The following CACNB2 variants were observed in gnomAD, a reference collection of about 807,000 sequenced individuals.
CACNB2 encodes voltage-dependent L-type calcium channel subunit beta-2.
CACNB2 carries 42 observed loss-of-function variants against 73.3 expected under a neutral mutation model. The observed-to-expected ratio is 0.57, with a 90% CI of 0.45 to 0.74. The LOEUF (loss-of-function observed/expected upper bound fraction) is 0.74, where lower values mean the gene tolerates loss of function less well. CACNB2 is among the 30% of genes least tolerant of loss of function. CACNB2 has a pLI of 0.00. For synonymous variants in CACNB2, 348 were observed against 310.3 expected, an observed-to-expected ratio of 1.12 and a Z score of -1.28; for missense variants, 940 against 853.0, an observed-to-expected ratio of 1.10 and a Z score of -1.27.
chr10:18,334,051 A>G (rs975618084), intron 2 of CACNB2, among the ~76,000 whole-genome samples: 3 of 152,242 alleles, frequency 2.0e-5, no homozygotes, highest in Non-Finnish European at 4.4e-5. Flanking sequence ...GATAATAGCA[A>G]TGCAGACTAC....
At chr10:18,442,937 T>G (rs1236343834) in intron 3 of CACNB2, among the ~76,000 whole-genome samples, 1 of 27,102 alleles carries the variant, frequency 3.7e-5, no homozygotes, top group Admixed American at 3.4e-4. Flanking sequence ...TATATATATA[T>G]ATATGTGTAT....
At chr10:18,142,267 C>T (rs1384253752) in intron 1 of CACNB2, among the ~76,000 whole-genome samples, 1 of 152,212 alleles carries the variant, frequency 6.6e-6, no homozygotes, top group Non-Finnish European at 1.5e-5. Flanking sequence ...CTTGTGTAAT[C>T]AGAAATCTAT....
intron 6 of CACNB2, chr10:18,513,660 T>C: frequency 4.1e-6 from 1 of 243,114 alleles, no homozygotes; most frequent in South Asian, 5.3e-5. Flanking sequence ...ATTTCCATAG[T>C]CTAAAATAAA....
chr10:18,449,100 C>T (rs371185266), intron 3 of CACNB2, among the ~76,000 whole-genome samples: 96 of 152,216 alleles, frequency 6.3e-4, no homozygotes, highest in Middle Eastern at 6.8e-3. Context: ...AAAACGAGAA[C>T]GTGCCCAGGT....
chr10:18,520,182 A>G (rs1012699744), intron 9 of CACNB2: 2 of 160,258 alleles, frequency 1.2e-5, no homozygotes, highest in Non-Finnish European at 2.7e-5. Flanking sequence ...CATTATCACT[A>G]CTAAGATGTC....
At chr10:18,234,648 T>C (rs2036359688) in intron 2 of CACNB2, among the ~76,000 whole-genome samples, 1 of 152,130 alleles carries the variant, frequency 6.6e-6, no homozygotes, top group African/African-American at 2.4e-5. Flanking sequence ...TCCATTTACT[T>C]GAGGTACGTA....
At chr10:18,273,363 GAAAAC>G (rs1021044625) in intron 2 of CACNB2, among the ~76,000 whole-genome samples, 1 of 148,304 alleles carries the variant, frequency 6.7e-6, no homozygotes, top group African/African-American at 2.5e-5. Context: ...CTGTTTTCCA[GAAAAC>G]AAAACAAAAC....
chr10:18,382,382 T>G (rs2043056664), intron 2 of CACNB2, among the ~76,000 whole-genome samples: 1 of 150,806 alleles, frequency 6.6e-6, no homozygotes, highest in Non-Finnish European at 1.5e-5. Flanking sequence ...TTTTAAAATT[T>G]TTTATTTTCA....
At chr10:18,346,431 C>A (rs1239495325) in intron 2 of CACNB2, among the ~76,000 whole-genome samples, 3 of 152,222 alleles carry the variant, frequency 2.0e-5, no homozygotes, top group Non-Finnish European at 4.4e-5. Flanking sequence ...AGCCACTGCA[C>A]CCGGCCAGAA....
At chr10:18,281,979 C>CAAAAAAAA (rs10542258) in intron 2 of CACNB2, among the ~76,000 whole-genome samples, 1 of 69,990 alleles carries the variant, frequency 1.4e-5, no homozygotes, top group Non-Finnish European at 2.6e-5. Context: ...GACTCCATCT[C>CAAAAAAAA]AAAAAAAAAA....
At chr10:18,148,403 A>G (rs368839133) in intron 1 of CACNB2, among the ~76,000 whole-genome samples, 13 of 152,208 alleles carry the variant, frequency 8.5e-5, no homozygotes, top group African/African-American at 3.1e-4. Flanking sequence ...CATTACATAT[A>G]CTTTGCATAG....
chr10:18,422,898 A>T (rs994576596), intron 3 of CACNB2, among the ~76,000 whole-genome samples: 1 of 152,136 alleles, frequency 6.6e-6, no homozygotes, highest in Non-Finnish European at 1.5e-5. Context: ...GGGTTTCACT[A>T]TGTTGGTCAA....
intron 2 of CACNB2, among the ~76,000 whole-genome samples, chr10:18,224,627 G>A (rs2035918745): frequency 6.6e-6 from 1 of 152,124 alleles, no homozygotes; most frequent in East Asian, 1.9e-4. Flanking sequence ...ATGAGAACCT[G>A]GGCCCCCTAG....
At chr10:18,402,637 C>A (rs2044067060) in intron 3 of CACNB2, among the ~76,000 whole-genome samples, 1 of 152,192 alleles carries the variant, frequency 6.6e-6, no homozygotes, top group African/African-American at 2.4e-5. Context: ...GACTGCAAAG[C>A]AGCTATGAAA....
In CACNB2 at chr10:18,498,062, G is replaced by A. The variant is rs546219986; in HGVS notation, c.334-293G>A. On this transcript the variant is annotated intron_variant, in intron 3 of 13. Coordinates refer to ENST00000324631, the MANE Select transcript of CACNB2 (RefSeq NM_201596.3). ...TTCCTGATTTACAGTTGCTACAAGC[G>A]CCAATGTTGAAAACACATATTTCCG... is the stretch of plus-strand genomic sequence containing the variant. Among the ~76,000 whole-genome samples the A allele has an allele frequency of 1.8e-4, 27 of 151,782 alleles. No individual in the cohort carries two copies. The East Asian group carries it at 1.9e-3, about 11-fold the overall frequency.
At chr10:18,193,557 G>A (rs760596850) in intron 2 of CACNB2, among the ~76,000 whole-genome samples, 7 of 152,128 alleles carry the variant, frequency 4.6e-5, no homozygotes, top group Non-Finnish European at 4.4e-5. Flanking sequence ...CTGCAGGGCA[G>A]TACTCCCTTC....
chr10:18,513,500 C>T (rs2050974713), intron 6 of CACNB2: 1 of 313,482 alleles, frequency 3.2e-6, no homozygotes, highest in East Asian at 9.8e-5. Context: ...GTCTCCTTTG[C>T]AAAGCTTCGT....
chr10:18,413,687 G>C (rs2044766051), intron 3 of CACNB2, among the ~76,000 whole-genome samples: 1 of 152,210 alleles, frequency 6.6e-6, no homozygotes, highest in Non-Finnish European at 1.5e-5. Context: ...TCAGAAACCT[G>C]GATTTGGATT....
chr10:18,476,311 T>C (rs1274745792), intron 3 of CACNB2, among the ~76,000 whole-genome samples: 1 of 152,104 alleles, frequency 6.6e-6, no homozygotes, highest in Non-Finnish European at 1.5e-5. Context: ...AACAAAGAAT[T>C]GGACAAAACC....
Sources: gnomAD v4.1 joint callset for allele counts (sites outside exome capture counted in the v4.1 genomes callset) on GRCh38, gnomAD v4.1.1 for gene constraint, MANE v1.5 for transcripts, NCBI Gene and HGNC (gene_info 2026-07-23, HGNC 2026-07-21) for gene names.